CRB1: variants seen among roughly 807,000 people sequenced by gnomAD.
The protein encoded by CRB1 is protein crumbs homolog 1.
CRB1 carries 83 observed loss-of-function variants against 120.0 expected under a neutral mutation model. The observed-to-expected ratio is 0.69, with a 90% confidence interval of 0.58 to 0.83. The LOEUF is 0.83. CRB1 is among the 40% of genes least tolerant of loss of function. The pLI is 0.00. For synonymous variants in CRB1, 625 were observed against 612.5 expected (o/e 1.02, Z -0.30); for missense variants, 1,699 against 1,687.6 (o/e 1.01, Z -0.12).
chr1:197,414,131 GA>G (rs1663851661), intron 5 of CRB1: 1 of 238,914 alleles, frequency 4.2e-6, no homozygotes. Context: ...TTTGAGAAAG[GA>G]AAAGTGGATA....
At chr1:197,427,392 T>A in intron 6 of CRB1, 62 bp from the exon 7 acceptor site, 1 of 1,499,692 alleles carries the variant, frequency 6.7e-7, no homozygotes, top group South Asian at 1.1e-5. Context: ...CCATCCCTTC[T>A]GTCTTTTGAG....
At chr1:197,319,042 A>G (rs540576280) in intron 1 of CRB1, among the ~76,000 whole-genome samples, 1 of 152,120 alleles carries the variant, frequency 6.6e-6, no homozygotes, top group East Asian at 1.9e-4. Flanking sequence ...ATGAGACTAT[A>G]ATAGGACCTG....
chr1:197,400,556 C>A (rs1443542026), intron 5 of CRB1, among the ~76,000 whole-genome samples: 1 of 151,758 alleles, frequency 6.6e-6, no homozygotes, highest in Non-Finnish European at 1.5e-5. Flanking sequence ...CTAACTAAAT[C>A]TCTTTTGTAT....
intron 11 of CRB1, among the ~76,000 whole-genome samples, chr1:197,476,362 T>TTC: frequency 7.1e-6 from 1 of 140,496 alleles, no homozygotes; most frequent in South Asian, 2.5e-4. Context: ...TTATGATTAT[T>TTC]TGTGTGTGTG....
intron 5 of CRB1, among the ~76,000 whole-genome samples, chr1:197,377,727 T>G (rs10922210): frequency 2.4e-4 from 37 of 152,348 alleles, no homozygotes; most frequent in East Asian, 1.5e-3. Flanking sequence ...AATCTAAGGA[T>G]TTATTTATTC....
intron 4 of CRB1, among the ~76,000 whole-genome samples, chr1:197,348,467 A>G (rs1571879901): frequency 1.3e-5 from 2 of 152,122 alleles, no homozygotes; most frequent in East Asian, 3.9e-4. Flanking sequence ...GAAATTATTT[A>G]TTGTTTATTT....
In CRB1 at chr1:197,354,020, T is replaced by TAA. The variant is rs869086277; in HGVS notation, c.989-2797_989-2796dup. 4.0e-4 allele frequency among the ~76,000 whole-genome samples: 46 copies of TAA among 116,252 alleles called. 1 individual carries two copies. The East Asian group carries it at 4.1e-3, about 10-fold the overall frequency. The allele number at this position is 116,252 out of a possible 152,430, so 76.3% of individuals were successfully genotyped here. ...AAAAACAGGAAAAAATATGAAATGG[T>TAA]AAAAAAAAAAAAAAACACCCCCAAA... On this transcript the variant is annotated intron_variant, in intron 4 of 11. Transcript: ENST00000367400.
chr1:197,459,347 G>A (rs1408055291), intron 11 of CRB1, among the ~76,000 whole-genome samples: 2 of 152,080 alleles, frequency 1.3e-5, no homozygotes, highest in Non-Finnish European at 2.9e-5. Context: ...ACTTTACTCT[G>A]TTTGGACTGC....
At chr1:197,349,957 G>A (rs558727436) in intron 4 of CRB1, among the ~76,000 whole-genome samples, 115 of 151,784 alleles carry the variant, frequency 7.6e-4, no homozygotes, top group Non-Finnish European at 8.7e-4. Flanking sequence ...AAAATTAGCC[G>A]GGCGCGGTGG....
the CRB1 span, among the ~76,000 whole-genome samples, chr1:197,237,062 C>T: frequency 6.6e-6 from 1 of 151,572 alleles, no homozygotes; most frequent in Non-Finnish European, 1.5e-5. Context: ...ATTCTCTTTG[C>T]TTCTATTTCT....
the CRB1 span, among the ~76,000 whole-genome samples, chr1:197,231,823 T>C: frequency 6.6e-6 from 1 of 152,262 alleles, no homozygotes; most frequent in Non-Finnish European, 1.5e-5. Context: ...CTCTCTTCTG[T>C]AGACCAGGGC....
intron 10 of CRB1, chr1:197,439,057 C>T (rs1197353266): frequency 7.3e-6 from 2 of 275,690 alleles, no homozygotes; most frequent in Admixed American, 5.0e-5. Context: ...TTGCCTACAA[C>T]CCAAAAGTAT....
chr1:197,243,028 A>T, the CRB1 span, among the ~76,000 whole-genome samples: 17 of 151,674 alleles, frequency 1.1e-4, no homozygotes, highest in Non-Finnish European at 2.2e-4. Flanking sequence ...TATCCCCTTT[A>T]TCATTTTTTA....
At chr1:197,354,347 G>T (rs922153805) in intron 4 of CRB1, among the ~76,000 whole-genome samples, 3 of 152,160 alleles carry the variant, frequency 2.0e-5, no homozygotes, top group Non-Finnish European at 4.4e-5. Flanking sequence ...AATTGTGTCC[G>T]AAATTGGTGG....
intron 1 of CRB1, among the ~76,000 whole-genome samples, chr1:197,326,935 T>G (rs1164477433): frequency 6.6e-6 from 1 of 151,576 alleles, no homozygotes; most frequent in Non-Finnish European, 1.5e-5. Context: ...CCTTTTTAAT[T>G]ATTTTTATTG....
chr1:197,393,636 C>G (rs1662622368), intron 5 of CRB1, among the ~76,000 whole-genome samples: 1 of 152,038 alleles, frequency 6.6e-6, no homozygotes, highest in South Asian at 2.1e-4. Context: ...ACCAAACTCT[C>G]TACCAAAAAA....
the CRB1 span, among the ~76,000 whole-genome samples, chr1:197,222,022 C>A: frequency 6.6e-6 from 1 of 152,044 alleles, no homozygotes; most frequent in Non-Finnish European, 1.5e-5. Context: ...GGAGGATATT[C>A]TTTTAGAAAA....
chr1:197,453,839 A>G (rs1025736183), intron 11 of CRB1, among the ~76,000 whole-genome samples: 4 of 142,892 alleles, frequency 2.8e-5, no homozygotes, highest in Non-Finnish European at 6.0e-5. Context: ...TTAATATATT[A>G]TCAATATTAT....
At chr1:197,244,815 T>G in the CRB1 span, among the ~76,000 whole-genome samples, 2 of 152,024 alleles carry the variant, frequency 1.3e-5, no homozygotes, top group African/African-American at 4.8e-5. Context: ...ACAGTAGATT[T>G]TTTTGTTATA....
Sources: gnomAD v4.1 joint callset for allele counts (sites outside exome capture counted in the v4.1 genomes callset) on GRCh38, gnomAD v4.1.1 for gene constraint, MANE v1.5 for transcripts, NCBI Gene and HGNC (gene_info 2026-07-23, HGNC 2026-07-21) for gene names.